Variants in NKAIN3 observed in about 807,000 individuals in gnomAD.
NKAIN3 encodes sodium/potassium-transporting ATPase subunit beta-1-interacting protein 3.
In NKAIN3, 25 loss-of-function variants were observed where a neutral mutation model predicts 30.2. The ratio of observed to expected loss-of-function variants is 0.83; its 90% CI spans 0.60 to 1.16. NKAIN3 has a LOEUF of 1.16. Among genes scored for constraint, NKAIN3 ranks in the 50% most tolerant of loss-of-function variants. NKAIN3 has a pLI of 0.00. For missense variants in NKAIN3, 225 were observed against 254.1 expected, an observed-to-expected ratio of 0.89 and a Z score of 0.78; for synonymous variants, 91 against 89.6, an observed-to-expected ratio of 1.02 and a Z score of -0.09.
At chr8:62,559,046 G>A (rs1440770941) in intron 1 of NKAIN3, among the ~76,000 whole-genome samples, 2 of 151,908 alleles carry the variant, frequency 1.3e-5, no homozygotes, top group Non-Finnish European at 2.9e-5. Flanking sequence ...CAAACTGCCA[G>A]TTTCAATTCT....
chr8:62,737,748 G>A (rs763263287), intron 3 of NKAIN3, among the ~76,000 whole-genome samples: 14 of 152,120 alleles, frequency 9.2e-5, no homozygotes, highest in Non-Finnish European at 1.9e-4. Flanking sequence ...AGCAGAACCA[G>A]TTGAGAAATC....
chr8:62,861,880 C>T (rs1217395805), intron 4 of NKAIN3, among the ~76,000 whole-genome samples: 1 of 152,188 alleles, frequency 6.6e-6, no homozygotes, highest in Non-Finnish European at 1.5e-5. Flanking sequence ...CCCATGGACT[C>T]CAGGATTTCA....
At chr8:62,541,574 T>C (rs1003966201) in intron 1 of NKAIN3, among the ~76,000 whole-genome samples, 3 of 152,142 alleles carry the variant, frequency 2.0e-5, no homozygotes, top group African/African-American at 7.2e-5. Flanking sequence ...GAAGGTCTAT[T>C]AAATTATTGT....
chr8:62,783,458 C>A (rs1163455827), intron 4 of NKAIN3, among the ~76,000 whole-genome samples: 1 of 151,976 alleles, frequency 6.6e-6, no homozygotes, highest in East Asian at 1.9e-4. Context: ...GTCACCCAGT[C>A]TATGGTATTT....
At chr8:62,595,382 C>CTTTTA (rs1810792907) in intron 3 of NKAIN3, among the ~76,000 whole-genome samples, 1 of 109,954 alleles carries the variant, frequency 9.1e-6, no homozygotes, top group African/African-American at 3.5e-5. Context: ...GGGCTATTTT[C>CTTTTA]TTTTTTTTTT....
intron 3 of NKAIN3, among the ~76,000 whole-genome samples, chr8:62,724,355 A>T (rs1477770738): frequency 6.6e-6 from 1 of 152,066 alleles, no homozygotes; most frequent in Admixed American, 6.5e-5. Flanking sequence ...GATATCCATC[A>T]CCTCAACCAT....
At chr8:62,830,497 G>T (rs1045804577) in intron 4 of NKAIN3, among the ~76,000 whole-genome samples, 1 of 151,834 alleles carries the variant, frequency 6.6e-6, no homozygotes, top group African/African-American at 2.4e-5. Flanking sequence ...ACATTATAAG[G>T]GCCCAATTAA....
chr8:62,643,719 T>C (rs28586584), intron 3 of NKAIN3, among the ~76,000 whole-genome samples: 4,623 of 152,220 alleles, frequency 0.03, 195 homozygotes, highest in African/African-American at 0.1. Context: ...CAACATCCAC[T>C]TGTGGAATTT....
intron 1 of NKAIN3, among the ~76,000 whole-genome samples, chr8:62,260,654 T>C (rs1000172711): frequency 2.0e-5 from 3 of 152,194 alleles, no homozygotes; most frequent in Non-Finnish European, 2.9e-5. Context: ...GAACGGCCGA[T>C]GCAGGCAGTC....
intron 5 of NKAIN3, among the ~76,000 whole-genome samples, chr8:62,924,127 C>A (rs965614963): frequency 1.3e-5 from 2 of 152,150 alleles, no homozygotes; most frequent in Non-Finnish European, 2.9e-5. Flanking sequence ...CCCTCCCCAA[C>A]CTCCAGCCAC....
intron 1 of NKAIN3, among the ~76,000 whole-genome samples, chr8:62,281,480 T>A (rs1472763997): frequency 6.6e-6 from 1 of 152,224 alleles, no homozygotes; most frequent in African/African-American, 2.4e-5. Flanking sequence ...GGTGTCAATT[T>A]TAGATCTTTC....
chr8:62,938,253 C>T (rs1822849247), intron 5 of NKAIN3, among the ~76,000 whole-genome samples: 1 of 152,006 alleles, frequency 6.6e-6, no homozygotes, highest in South Asian at 2.1e-4. Context: ...CAGCTGATGC[C>T]GTCTTGAAAG....
intron 4 of NKAIN3, among the ~76,000 whole-genome samples, chr8:62,897,204 G>A (rs1264027002): frequency 1.3e-5 from 2 of 152,068 alleles, no homozygotes; most frequent in African/African-American, 4.8e-5. Flanking sequence ...AGGAATAAAT[G>A]TAGACACAAA....
intron 1 of NKAIN3, among the ~76,000 whole-genome samples, chr8:62,432,676 C>G (rs1264384645): frequency 6.6e-6 from 1 of 152,004 alleles, no homozygotes; most frequent in Non-Finnish European, 1.5e-5. Context: ...AACCCCTTAG[C>G]CTGGATCATG....
chr8:62,837,332 A>T (rs866766923), intron 4 of NKAIN3, among the ~76,000 whole-genome samples: 7 of 152,304 alleles, frequency 4.6e-5, no homozygotes, highest in Middle Eastern at 6.8e-3. Context: ...TTTAATAATG[A>T]TCACAACTGC....
At chr8:62,267,444 T>G (rs1812643029) in intron 1 of NKAIN3, among the ~76,000 whole-genome samples, 1 of 152,240 alleles carries the variant, frequency 6.6e-6, no homozygotes, top group African/African-American at 2.4e-5. Flanking sequence ...GTTATGATTC[T>G]CTTGGCAGAT....
At chr8:62,338,013 C>T (rs893801079) in intron 1 of NKAIN3, among the ~76,000 whole-genome samples, 2 of 151,960 alleles carry the variant, frequency 1.3e-5, no homozygotes, top group African/African-American at 4.8e-5. Flanking sequence ...ATTTCTTTCT[C>T]AGTGGCTTCT....
At chr8:62,605,202 C>G (rs182145089) in intron 3 of NKAIN3, among the ~76,000 whole-genome samples, 21 of 151,976 alleles carry the variant, frequency 1.4e-4, no homozygotes, top group Non-Finnish European at 2.6e-4. Flanking sequence ...ACCTCAAAAT[C>G]GAGGTGTAAG....
intron 4 of NKAIN3, among the ~76,000 whole-genome samples, chr8:62,815,102 A>G (rs1818632287): frequency 6.6e-6 from 1 of 152,208 alleles, no homozygotes; most frequent in Non-Finnish European, 1.5e-5. Flanking sequence ...CTCTACACAA[A>G]TAAACTAGAA....
Sources: gnomAD v4.1 joint callset for allele counts (sites outside exome capture counted in the v4.1 genomes callset) on GRCh38, gnomAD v4.1.1 for gene constraint, MANE v1.5 for transcripts, NCBI Gene and HGNC (gene_info 2026-07-23, HGNC 2026-07-21) for gene names.